The following KCNG2 variants were observed in gnomAD, a reference collection of about 807,000 sequenced individuals.
KCNG2 encodes the protein potassium voltage-gated channel modifier subfamily G member 2.
KCNG2 carries 7 observed loss-of-function variants against 12.3 expected under a neutral mutation model. That is an observed-to-expected ratio of 0.57 (90% CI 0.32 to 1.07). The LOEUF is 1.07. Among genes scored for constraint, KCNG2 ranks in the 50% least tolerant of loss-of-function variants. The pLI, the probability that KCNG2 is intolerant of heterozygous loss-of-function variation, is 0.04. For synonymous variants in KCNG2, 414 were observed against 351.4 expected, an observed-to-expected ratio of 1.18 and a Z score of -1.99; for missense variants, 703 against 726.0, an observed-to-expected ratio of 0.97 and a Z score of 0.36.
At chr18:79,836,372 C>T (rs1244254506) in intron 1 of KCNG2, among the ~76,000 whole-genome samples, 1 of 152,058 alleles carries the variant, frequency 6.6e-6, no homozygotes, top group Non-Finnish European at 1.5e-5. Context: ...AATATGTGAA[C>T]CAAAGGATGA....
intron 3 of KCNG2, among the ~76,000 whole-genome samples, chr18:79,879,722 A>T (rs1040534323): frequency 6.6e-6 from 1 of 152,236 alleles, no homozygotes; most frequent in East Asian, 1.9e-4. Context: ...GAATTGGCTC[A>T]GAATTCAAGA....
intron 3 of KCNG2, among the ~76,000 whole-genome samples, chr18:79,892,241 C>T (rs1308684091): frequency 2.0e-5 from 3 of 152,032 alleles, no homozygotes; most frequent in Non-Finnish European, 4.4e-5. Context: ...ATTATTGGTG[C>T]ATACATTTTA....
At chr18:79,875,313 C>T (rs1325364165) in intron 3 of KCNG2, among the ~76,000 whole-genome samples, 1 of 152,170 alleles carries the variant, frequency 6.6e-6, no homozygotes, top group Non-Finnish European at 1.5e-5. Context: ...CTGGGGGCTC[C>T]TCTCAGTCCA....
At chr18:79,872,294 T>TG (rs1979878215) in intron 3 of KCNG2, among the ~76,000 whole-genome samples, 1 of 77,296 alleles carries the variant, frequency 1.3e-5, no homozygotes, top group Admixed American at 1.6e-4. Flanking sequence ...TTTTTTTTTT[T>TG]TTTTTTTTTG....
intron 1 of KCNG2, among the ~76,000 whole-genome samples, chr18:79,849,533 T>G (rs1978743954): frequency 1.3e-5 from 2 of 152,182 alleles, no homozygotes; most frequent in South Asian, 4.1e-4. Flanking sequence ...CTCCCCGCCT[T>G]GCTCTGCGTC....
At position 79,899,676 on chromosome 18, in the gene KCNG2, C is replaced by T. The variant is rs764294896; in HGVS notation, c.1261C>T (p.Arg421Cys). Residue 421 changes from arginine (R) to cysteine (C), a missense_variant, in exon 4 of 4, where the codon CGC (arginine) becomes TGC (cysteine). Coordinates refer to ENST00000316249, the MANE Select transcript of KCNG2 (RefSeq NM_012283.2). The stretch of plus-strand genomic sequence containing the variant: ...CTCCGAGCTCAAGGAGCAGCAGCAG[C>T]GCGCGGCCAGCCCCGAGCCGGCCCT... ...SYSELKEQQQRAASPEPALQE... is the reference protein window; with the variant it reads ...SYSELKEQQQCAASPEPALQE... The T allele has an allele frequency of 9.3e-6, 15 of 1,607,896 alleles. No homozygotes were observed. The highest frequency in any genetic ancestry group is 1.3e-5 in the African/African-American group (1 of 74,286).
intron 1 of KCNG2, among the ~76,000 whole-genome samples, chr18:79,849,484 G>A (rs1033558419): frequency 5.9e-5 from 9 of 152,224 alleles, no homozygotes; most frequent in African/African-American, 9.6e-5. Context: ...GGTCGTCCGC[G>A]TGCAGGAGCC....
intron 3 of KCNG2, among the ~76,000 whole-genome samples, chr18:79,882,859 C>T (rs913687101): frequency 2.7e-5 from 4 of 150,934 alleles, no homozygotes; most frequent in African/African-American, 9.8e-5. Flanking sequence ...AGCGCGGAGG[C>T]CGGGTACACC....
chr18:79,881,826 T>C (rs770662102), intron 3 of KCNG2, among the ~76,000 whole-genome samples: 26 of 152,214 alleles, frequency 1.7e-4, no homozygotes, highest in Non-Finnish European at 3.7e-4. Flanking sequence ...GCTTTCACGA[T>C]TTGTTCTGAA....
chr18:79,798,833 A>G (rs1233438514), intron 1 of KCNG2, among the ~76,000 whole-genome samples: 3 of 152,140 alleles, frequency 2.0e-5, no homozygotes, highest in Non-Finnish European at 4.4e-5. Flanking sequence ...CGGCAGGTGA[A>G]CTGGGCCCGC....
At position 79,889,081 on chromosome 18, in the gene KCNG2, ATACT is replaced by A. The variant is rs551234398; in HGVS notation, c.625-9957_625-9954del. Among the ~76,000 whole-genome samples, 856 of 152,164 alleles carry A rather than the reference ATACT, an allele frequency of 5.6e-3. 2 individuals carry two copies. Among genetic ancestry groups the A allele is most frequent in the Non-Finnish European group, 9.5e-3 (649 of 68,002 alleles). Reference sequence around the variant, plus strand: ...CCCTTATCAAATATCTGATTTCCAAATACTTCCTTCCATTGTGTGGGTTGTCTGT... The same window carrying A: ...CCCTTATCAAATATCTGATTTCCAAATCCTTCCATTGTGTGGGTTGTCTGT... On this transcript the variant is annotated intron_variant, in intron 3 of 3. Coordinates refer to ENST00000316249, the MANE Select transcript of KCNG2 (RefSeq NM_012283.2).
chr18:79,885,617 G>C (rs1432754327), intron 3 of KCNG2, among the ~76,000 whole-genome samples: 1 of 152,216 alleles, frequency 6.6e-6, no homozygotes. Flanking sequence ...AGAAGGGCTT[G>C]CGTGGAAGGC....
At chr18:79,880,709 G>A (rs1234711410) in intron 3 of KCNG2, among the ~76,000 whole-genome samples, 2 of 152,130 alleles carry the variant, frequency 1.3e-5, no homozygotes, top group East Asian at 3.8e-4. Flanking sequence ...CAAAACATCA[G>A]TAAATCGGGG....
Position 79,813,117 on chromosome 18 carries a change from T to C in KCNG2, c.-115+15103T>C, listed in dbSNP as rs1293515189. Among the ~76,000 whole-genome samples the C allele has an allele frequency of 4.6e-5, 7 of 152,328 alleles. No homozygotes were observed. The East Asian group carries it at 1.2e-3, about 25-fold the overall frequency. On this transcript the variant is annotated intron_variant, in intron 1 of 3. Coordinates refer to ENST00000316249, the MANE Select transcript of KCNG2 (RefSeq NM_012283.2). ...TTGCGGTGAGCCGAGATCGCGCCAT[T>C]GGAATCCAGCCTGGGTGAGAGGGTG...
chr18:79,834,232 G>A (rs538160446), intron 1 of KCNG2, among the ~76,000 whole-genome samples: 3 of 152,344 alleles, frequency 2.0e-5, no homozygotes, highest in African/African-American at 2.4e-5. Flanking sequence ...TTGCCTCGGC[G>A]GCACCAGCAC....
At chr18:79,879,938 T>G (rs1568268652) in intron 3 of KCNG2, among the ~76,000 whole-genome samples, 1 of 152,142 alleles carries the variant, frequency 6.6e-6, no homozygotes, top group Non-Finnish European at 1.5e-5. Context: ...AGTTCTGGAA[T>G]GAAACCATAA....
intron 3 of KCNG2, among the ~76,000 whole-genome samples, chr18:79,898,125 T>A (rs935119703): frequency 1.3e-5 from 2 of 152,094 alleles, no homozygotes; most frequent in Non-Finnish European, 2.9e-5. Flanking sequence ...CCACCTCCAA[T>A]AGCGTTGAGA....
chr18:79,888,444 C>T (rs1461576415), intron 3 of KCNG2, among the ~76,000 whole-genome samples: 3 of 133,134 alleles, frequency 2.3e-5, no homozygotes, highest in African/African-American at 7.8e-5. Flanking sequence ...GCCGGGACGG[C>T]GGCGTCCTCC....
rs989506849 is a variant in KCNG2, at chr18:79,826,581, C to T, written c.-115+28567C>T. ...GCTCCTCACGGAAGGTTAAGTTCGG[C>T]GCGTTACGTCATTACGTTCAGTGAA... On this transcript the variant is annotated intron_variant, in intron 1 of 3. Transcript: ENST00000316249. Among the ~76,000 whole-genome samples the T allele has an allele frequency of 6.8e-5, 10 of 147,082 alleles. No individual in the cohort carries two copies. The East Asian group carries it at 1.8e-3, about 27-fold the overall frequency.
Sources: gnomAD v4.1 joint callset for allele counts (sites outside exome capture counted in the v4.1 genomes callset) on GRCh38, gnomAD v4.1.1 for gene constraint, MANE v1.5 for transcripts, NCBI Gene and HGNC (gene_info 2026-07-23, HGNC 2026-07-21) for gene names.